TMEM74: variants seen among roughly 807,000 people sequenced by gnomAD.
The protein encoded by TMEM74 is transmembrane protein 74.
A neutral mutation model predicts 18.1 loss-of-function variants in TMEM74; 13 were observed. The observed-to-expected ratio is 0.72, with a 90% CI of 0.47 to 1.14. TMEM74 has a LOEUF of 1.14. Ranked by LOEUF, TMEM74 falls within the 50% of genes most tolerant of loss-of-function variation. TMEM74 has a pLI of 0.00. For synonymous variants in TMEM74, 159 were observed against 146.6 expected (o/e 1.08, Z -0.61); for missense variants, 372 against 375.9 (o/e 0.99, Z 0.09).
intron 1 of TMEM74, among the ~76,000 whole-genome samples, chr8:108,717,761 C>T (rs1813540651): frequency 6.6e-6 from 1 of 151,840 alleles, no homozygotes; most frequent in African/African-American, 2.4e-5. Context: ...GGGAAATATG[C>T]CTTGGAAATA....
chr8:108,713,457 T>C (rs1016267543), intron 1 of TMEM74, among the ~76,000 whole-genome samples: 1 of 152,222 alleles, frequency 6.6e-6, no homozygotes, highest in Non-Finnish European at 1.5e-5. Flanking sequence ...ATTCATTCAA[T>C]ACATATTTTT....
At chr8:108,689,068 C>T (rs926354464) in intron 1 of TMEM74, among the ~76,000 whole-genome samples, 1 of 152,200 alleles carries the variant, frequency 6.6e-6, no homozygotes, top group African/African-American at 2.4e-5. Flanking sequence ...GCCCACTTAT[C>T]TTTTCATTAC....
intron 1 of TMEM74, among the ~76,000 whole-genome samples, chr8:108,724,624 A>G (rs1813615567): frequency 6.6e-6 from 1 of 152,204 alleles, no homozygotes; most frequent in Non-Finnish European, 1.5e-5. Context: ...AAGTTCATTT[A>G]TTAAAATGAG....
At chr8:108,684,252 C>T (rs2130601595) in intron 1 of TMEM74, among the ~76,000 whole-genome samples, 1 of 152,084 alleles carries the variant, frequency 6.6e-6, no homozygotes, top group East Asian at 1.9e-4. Flanking sequence ...CCTTTGCATC[C>T]TTGCCAGCAT....
intron 2 of TMEM74, among the ~76,000 whole-genome samples, chr8:108,653,823 C>A (rs1269251245): frequency 6.6e-6 from 1 of 152,040 alleles, no homozygotes; most frequent in Admixed American, 6.6e-5. Flanking sequence ...ATGAATTACA[C>A]AAATTGGGAT....
chr8:108,655,621 C>A (rs116845164), intron 1 of TMEM74, among the ~76,000 whole-genome samples: 2,847 of 152,238 alleles, frequency 0.019, 44 homozygotes, highest in Non-Finnish European at 0.033. Flanking sequence ...TTTACTCCCC[C>A]AAGCTGCTGG....
intron 1 of TMEM74, among the ~76,000 whole-genome samples, chr8:108,721,293 C>T (rs1374585394): frequency 6.6e-6 from 1 of 152,216 alleles, no homozygotes; most frequent in Non-Finnish European, 1.5e-5. Flanking sequence ...GACACTCTGT[C>T]TCACTAGAAT....
intron 2 of TMEM74, chr8:108,652,806 G>A (rs1812787097): frequency 1.9e-6 from 1 of 528,486 alleles, no homozygotes; most frequent in East Asian, 4.1e-5. Flanking sequence ...GTCAAAGAAG[G>A]AATTGAGTAG....
downstream of TMEM74, among the ~76,000 whole-genome samples, chr8:108,777,525 A>G (rs1051800453): frequency 1.3e-5 from 2 of 152,234 alleles, no homozygotes; most frequent in Non-Finnish European, 2.9e-5. Flanking sequence ...AAATAGTGAT[A>G]TGATTTCTTT....
At chr8:108,620,174 T>C (rs1812425447) in intron 2 of TMEM74, among the ~76,000 whole-genome samples, 1 of 152,178 alleles carries the variant, frequency 6.6e-6, no homozygotes, top group Admixed American at 6.5e-5. Context: ...AGTTTCAAAA[T>C]CTGATGTTTA....
chr8:108,659,423 C>G (rs534174478), intron 1 of TMEM74, among the ~76,000 whole-genome samples: 2 of 152,240 alleles, frequency 1.3e-5, no homozygotes, highest in South Asian at 4.2e-4. Flanking sequence ...TCTCTTAAAC[C>G]TTGTCAATAT....
intron 1 of TMEM74, among the ~76,000 whole-genome samples, chr8:108,767,344 G>A (rs1814120279): frequency 6.6e-6 from 1 of 152,102 alleles, no homozygotes; most frequent in South Asian, 2.1e-4. Context: ...AAAGATTTCT[G>A]GCCCCATTCC....
chr8:108,675,145 G>C (rs988121544), intron 1 of TMEM74, among the ~76,000 whole-genome samples: 1 of 152,146 alleles, frequency 6.6e-6, no homozygotes, highest in Non-Finnish European at 1.5e-5. Context: ...GTGGGAATAA[G>C]CTCCAGTTGC....
At chr8:108,787,270 C>T (rs940134500) in intron 1 of TMEM74, among the ~76,000 whole-genome samples, 1 of 152,292 alleles carries the variant, frequency 6.6e-6, no homozygotes, top group Admixed American at 6.5e-5. Context: ...CACCTGGCAG[C>T]GGTGCCCCCA....
At chr8:108,643,714 A>G (rs1178222844) in intron 2 of TMEM74, among the ~76,000 whole-genome samples, 1 of 152,050 alleles carries the variant, frequency 6.6e-6, no homozygotes, top group Non-Finnish European at 1.5e-5. Flanking sequence ...TAAAAGAAAA[A>G]GAAAACGAAA....
chr8:108,664,047 A>G (rs2130583785), intron 1 of TMEM74, among the ~76,000 whole-genome samples: 1 of 152,262 alleles, frequency 6.6e-6, no homozygotes, highest in East Asian at 1.9e-4. Context: ...TGTGCAGCAA[A>G]CCACCATGGC....
chr8:108,656,481 C>G (rs1812822798), intron 1 of TMEM74, among the ~76,000 whole-genome samples: 1 of 152,112 alleles, frequency 6.6e-6, no homozygotes, highest in African/African-American at 2.4e-5. Context: ...TATCTTCTTC[C>G]ACATAGAGTT....
chr8:108,783,199 C>T lies in TMEM74; in HGVS notation c.*982G>A, dbSNP rs1320529429. On this transcript the variant is annotated 3_prime_UTR_variant, in exon 2 of 2. Transcript: ENST00000297459. Reference sequence around the variant, plus strand: ...AGCAAGTGATACAGCCTGCGAGGCACAGTCCCCAAAAGTCTAGCTGCAATT... The same window carrying T: ...AGCAAGTGATACAGCCTGCGAGGCATAGTCCCCAAAAGTCTAGCTGCAATT... 6.6e-6 allele frequency among the ~76,000 whole-genome samples: 1 copy of T among 152,180 alleles called. No individual in the cohort carries two copies. Among genetic ancestry groups the T allele is most frequent in the African/African-American group, 2.4e-5 (1 of 41,428 alleles).
At chr8:108,700,093 AGTATGGGAAAT>A (rs1813320362) in intron 1 of TMEM74, among the ~76,000 whole-genome samples, 2 of 151,834 alleles carry the variant, frequency 1.3e-5, no homozygotes, top group Admixed American at 1.3e-4. Flanking sequence ...ACGGTTTTAA[AGTATGGGAAAT>A]GGATAAACTG....
Sources: gnomAD v4.1 joint callset for allele counts (sites outside exome capture counted in the v4.1 genomes callset) on GRCh38, gnomAD v4.1.1 for gene constraint, MANE v1.5 for transcripts, NCBI Gene and HGNC (gene_info 2026-07-23, HGNC 2026-07-21) for gene names.